CLTRN: variants seen among roughly 807,000 people sequenced by gnomAD.
CLTRN encodes collectrin.
In CLTRN, 12 loss-of-function variants were observed where a neutral mutation model predicts 14.5. The ratio of observed to expected loss-of-function variants is 0.83; its 90% CI spans 0.53 to 1.34. The LOEUF is 1.34. CLTRN is among the 40% of genes most tolerant of loss of function. The pLI, the probability that CLTRN is intolerant of heterozygous loss-of-function variation, is 0.00. For missense variants in CLTRN, 154 were observed against 165.1 expected (o/e 0.93, Z 0.37); for synonymous variants, 58 against 56.5 (o/e 1.03, Z -0.12).
chrX:15,629,106 A>C (rs1034937559), intron 5 of CLTRN, among the ~76,000 whole-genome samples: 3 of 112,011 alleles, frequency 2.7e-5, no homozygotes, highest in Non-Finnish European at 5.6e-5. Context: ...GCACCACTCC[A>C]TGGTGACACC....
chrX:15,633,389 A>AT (rs1297435588), intron 5 of CLTRN, among the ~76,000 whole-genome samples: 227 of 112,322 alleles, frequency 2.0e-3, no homozygotes, highest in Non-Finnish European at 1.5e-3. Context: ...GAAGGAATTG[A>AT]CACTCAAATA....
chrX:15,644,834 C>T, intron 4 of CLTRN, 82 bp downstream of exon 4: 1 of 586,360 alleles, frequency 1.7e-6, no homozygotes, highest in Admixed American at 3.4e-5. Context: ...ACAGATAAAA[C>T]TCTTCAATAT....
At chrX:15,673,838 G>A (rs1178095002) in intron 1 of CLTRN, among the ~76,000 whole-genome samples, 5 of 112,342 alleles carry the variant, frequency 4.5e-5, no homozygotes, top group African/African-American at 1.6e-4. Flanking sequence ...CAAGTGAAAA[G>A]GGAATACTTT....
chrX:15,661,212 GAAT>G (rs923817906), intron 2 of CLTRN, among the ~76,000 whole-genome samples: 2 of 112,204 alleles, frequency 1.8e-5, no homozygotes, highest in Non-Finnish European at 3.8e-5. Flanking sequence ...GAACAAATGA[GAAT>G]AATAAGCTCA....
At chrX:15,637,017 T>C (rs1424292284) in intron 5 of CLTRN, among the ~76,000 whole-genome samples, 1 of 111,395 alleles carries the variant, frequency 9.0e-6, no homozygotes, top group Non-Finnish European at 1.9e-5. Flanking sequence ...TTGGCAAAGA[T>C]AACAGAATTG....
intron 3 of CLTRN, among the ~76,000 whole-genome samples, chrX:15,652,743 T>TAAAAATGGCTGAAA (rs1390718277): frequency 8.9e-6 from 1 of 111,772 alleles, no homozygotes; most frequent in Non-Finnish European, 1.9e-5. Flanking sequence ...TTGAAATCAT[T>TAAAAATGGCTGAAA]AAAAATGGCT....
chrX:15,628,490 A>G (rs955045535), intron 5 of CLTRN, among the ~76,000 whole-genome samples: 3 of 112,379 alleles, frequency 2.7e-5, no homozygotes, highest in Non-Finnish European at 5.6e-5. Flanking sequence ...TGTGAAGAAA[A>G]TGCATAGTAA....
intron 1 of CLTRN, among the ~76,000 whole-genome samples, chrX:15,671,521 T>C (rs1455328445): frequency 9.0e-6 from 1 of 111,275 alleles, no homozygotes; most frequent in African/African-American, 3.3e-5. Flanking sequence ...ATCTTAGAGG[T>C]CAGAGAGTCT....
At chrX:15,657,287 A>G (rs1929395133) in intron 3 of CLTRN, among the ~76,000 whole-genome samples, 1 of 112,667 alleles carries the variant, frequency 8.9e-6, no homozygotes. Flanking sequence ...GGCGTGAGCC[A>G]CTGCACCCAG....
At chrX:15,646,092 G>A (rs192348590) in intron 3 of CLTRN, 9 of 123,725 alleles carry the variant, frequency 7.3e-5, no homozygotes, top group Admixed American at 6.7e-4. Context: ...GCCCAGAGCT[G>A]AGTGTCTGGG....
chrX:15,661,169 C>T (rs1929498396), intron 2 of CLTRN, among the ~76,000 whole-genome samples: 1 of 112,178 alleles, frequency 8.9e-6, no homozygotes, highest in Non-Finnish European at 1.9e-5. Flanking sequence ...GGCTTATTAA[C>T]AGAATGCAGA....
Position 15,664,395 on chromosome X carries a change from C to A in CLTRN, c.59G>T (p.Gly20Val). The change falls in exon 2 of 6, where the codon GGT (glycine) becomes GTT (valine). Residue 20 changes from glycine (G) to valine (V), a missense_variant and splice_region_variant. By Grantham distance (109) the Gly-to-Val change is moderately radical (BLOSUM62 -3). Transcript: ENST00000380342. ...TCTCACTTTAAAAGCATTTTCTGCACCTGCCAGAAAAGAAAAAAGAAAGAG... is the reference window on the plus strand; with the variant it reads ...TCTCACTTTAAAAGCATTTTCTGCAACTGCCAGAAAAGAAAAAAGAAAGAG... ...TAIHAELCQPGAENAFKVRLS... is the reference protein window; with the variant it reads ...TAIHAELCQPVAENAFKVRLS... 1 of 1,181,238 alleles carries A rather than the reference C, an allele frequency of 8.5e-7. No individual in the cohort carries two copies. The highest frequency in any genetic ancestry group is 1.1e-6 in the Non-Finnish European group (1 of 877,313).
chrX:15,644,500 T>C (rs751259655), intron 4 of CLTRN, among the ~76,000 whole-genome samples: 3 of 111,744 alleles, frequency 2.7e-5, no homozygotes, highest in Non-Finnish European at 1.9e-5. Flanking sequence ...TTTTTGATAG[T>C]AATAATGATT....
At chrX:15,672,617 G>A (rs949671053) in intron 1 of CLTRN, among the ~76,000 whole-genome samples, 7 of 111,148 alleles carry the variant, frequency 6.3e-5, no homozygotes, top group Middle Eastern at 9.2e-3. Context: ...CTGATCCTAC[G>A]TTTCGGCCAG....
chrX:15,661,030 AT>A (rs1305188957), intron 2 of CLTRN, among the ~76,000 whole-genome samples: 2 of 111,948 alleles, frequency 1.8e-5, no homozygotes, highest in African/African-American at 3.3e-5. Context: ...TTGATAATGC[AT>A]TTTTTTCCAA....
upstream of CLTRN, among the ~76,000 whole-genome samples, chrX:15,665,574 G>A (rs1040041673): frequency 5.3e-5 from 6 of 112,232 alleles, no homozygotes; most frequent in Admixed American, 1.9e-4. Flanking sequence ...ATTCTGTGGC[G>A]ATGGGAATGT....
chrX:15,635,628 A>G (rs1048400758), intron 5 of CLTRN, among the ~76,000 whole-genome samples: 1 of 112,032 alleles, frequency 8.9e-6, no homozygotes, highest in African/African-American at 3.2e-5. Flanking sequence ...TACAAAAATC[A>G]ACTCAAAATA....
At chrX:15,657,074 C>G (rs1929386855) in intron 3 of CLTRN, among the ~76,000 whole-genome samples, 1 of 110,067 alleles carries the variant, frequency 9.1e-6, no homozygotes, top group African/African-American at 3.3e-5. Flanking sequence ...TCATAGTTCA[C>G]TACAGCCTCA....
intron 2 of CLTRN, 42 bp from the exon 3 acceptor site, chrX:15,659,143 T>TACAAGTAGAA: frequency 1.3e-6 from 1 of 787,541 alleles, no homozygotes; most frequent in Non-Finnish European, 1.9e-6. Flanking sequence ...GAAAATATGG[T>TACAAGTAGAA]CCATTGGTTC....
Sources: allele counts gnomAD v4.1 joint callset (sites outside exome capture counted in the v4.1 genomes callset), GRCh38; gene constraint gnomAD v4.1.1; transcripts MANE v1.5; gene names NCBI Gene and HGNC (gene_info 2026-07-23, HGNC 2026-07-21).